The following ANK2 variants were observed in gnomAD, a reference collection of about 807,000 sequenced individuals.
ANK2 encodes the protein ankyrin 2.
ANK2 carries 83 observed loss-of-function variants against 360.5 expected under a neutral mutation model. The observed-to-expected ratio is 0.23, with a 90% CI of 0.19 to 0.28. ANK2 has a LOEUF of 0.28. Among genes scored for constraint, ANK2 ranks in the 10% least tolerant of loss-of-function variants. ANK2 has a pLI of 1.00. For missense variants in ANK2, 4,201 were observed against 4,795.7 expected (o/e 0.88, Z 3.66); for synonymous variants, 1,740 against 1,759.5 (o/e 0.99, Z 0.28).
intron 43 of ANK2, 70 bp from the exon 44 acceptor site, chr4:113,373,020 A>G: frequency 8.1e-7 from 1 of 1,239,644 alleles, no homozygotes; most frequent in South Asian, 1.2e-5. Context: ...CTCACATTAT[A>G]AGCACTTGGG....
intron 43 of ANK2, chr4:113,372,585 T>C (rs2096777810): frequency 1.3e-6 from 2 of 1,535,880 alleles, no homozygotes; most frequent in African/African-American, 2.7e-5. Flanking sequence ...GAGGAGGCGA[T>C]GGTAACTACC....
chr4:112,780,739 G>T, the ANK2 span, among the ~76,000 whole-genome samples: 1 of 152,078 alleles, frequency 6.6e-6, no homozygotes, highest in African/African-American at 2.4e-5. Flanking sequence ...AGGAGGAACT[G>T]TTAGACATGC....
intron 2 of ANK2, among the ~76,000 whole-genome samples, chr4:113,020,943 G>C (rs139293277): frequency 5.3e-4 from 79 of 149,464 alleles, no homozygotes; most frequent in African/African-American, 1.8e-3. Flanking sequence ...ATTGCTTTGT[G>C]TTCAGGAAAC....
chr4:113,193,255 T>C (rs1292680508), intron 2 of ANK2, among the ~76,000 whole-genome samples: 1 of 152,220 alleles, frequency 6.6e-6, no homozygotes, highest in Non-Finnish European at 1.5e-5. Flanking sequence ...AAAACAGATA[T>C]ACTCTTGGAT....
At position 113,350,482 on chromosome 4, in the gene ANK2, ACTTT is replaced by A. The variant is rs1319786722; in HGVS notation, c.4426+238_4426+241del. On this transcript the variant is annotated intron_variant, in intron 37 of 45. Transcript: ENST00000357077. ...GCAATGATTATTCATCTAAGCATTC[ACTTT>A]CTTTTGACATTCTTGTTAACCCTGG... 12 of 434,202 alleles carry A rather than the reference ACTTT, an allele frequency of 2.8e-5. No individual in the cohort carries two copies. The South Asian group carries it at 3.8e-4, about 14-fold the overall frequency. The allele number at this position is 434,202 out of a possible 1,614,324, so 26.9% of individuals were successfully genotyped here. A position where few individuals can be genotyped will look rare whatever the true frequency, so the allele number is the denominator to read the frequency against.
chr4:112,992,787 T>G (rs2047257111), intron 2 of ANK2, among the ~76,000 whole-genome samples: 1 of 152,170 alleles, frequency 6.6e-6, no homozygotes. Context: ...CATCACATTG[T>G]GCATTAGGGG....
At chr4:113,086,171 C>G (rs1031925354) in intron 1 of ANK2, among the ~76,000 whole-genome samples, 1 of 152,116 alleles carries the variant, frequency 6.6e-6, no homozygotes, top group Non-Finnish European at 1.5e-5. Flanking sequence ...CATTTAGGAA[C>G]CACTGCATCC....
intron 29 of ANK2, 79 bp downstream of exon 29, chr4:113,333,287 G>GGTGTGTGT (rs1447963400): frequency 2.7e-6 from 4 of 1,489,018 alleles, no homozygotes; most frequent in Admixed American, 1.7e-5. Context: ...ATGACCTAGG[G>GGTGTGTGT]GTGTGTGTAT....
intron 2 of ANK2, among the ~76,000 whole-genome samples, chr4:112,957,775 G>A (rs1369590112): frequency 5.5e-5 from 8 of 146,110 alleles, no homozygotes; most frequent in African/African-American, 5.1e-5. Flanking sequence ...GCTGCCGGGC[G>A]GAGGGGCTCC....
At chr4:112,756,180 G>A in the ANK2 span, among the ~76,000 whole-genome samples, 1 of 151,104 alleles carries the variant, frequency 6.6e-6, no homozygotes. Context: ...GGAGTTTGCA[G>A]TGAGCCGAGA....
chr4:113,191,958 C>A (rs2098672198), intron 2 of ANK2, among the ~76,000 whole-genome samples: 2 of 152,178 alleles, frequency 1.3e-5, no homozygotes, highest in African/African-American at 2.4e-5. Flanking sequence ...ATGAAGAATT[C>A]TGCTTCATCC....
At chr4:112,812,923 G>T in the ANK2 span, among the ~76,000 whole-genome samples, 81 of 152,172 alleles carry the variant, frequency 5.3e-4, no homozygotes, top group African/African-American at 1.9e-3. Flanking sequence ...TCTTTTTAGT[G>T]AGGAATGGTA....
chr4:112,973,996 T>C (rs780938406), intron 2 of ANK2, among the ~76,000 whole-genome samples: 1 of 152,244 alleles, frequency 6.6e-6, no homozygotes, highest in African/African-American at 2.4e-5. Flanking sequence ...ACTGACCTTG[T>C]CACTTGATTC....
chr4:112,798,801 A>G, the ANK2 span: 1 of 152,206 alleles, frequency 6.6e-6, no homozygotes, highest in Admixed American at 6.6e-5. Flanking sequence ...TGGCTTGTCC[A>G]TGGTAGGTCT....
At chr4:113,054,780 A>G (rs543312026) in intron 1 of ANK2, among the ~76,000 whole-genome samples, 3 of 152,144 alleles carry the variant, frequency 2.0e-5, no homozygotes. Flanking sequence ...GGATGATGGA[A>G]ATTTTTATTG....
At chr4:112,997,927 T>C (rs1166909495) in intron 2 of ANK2, among the ~76,000 whole-genome samples, 1 of 151,542 alleles carries the variant, frequency 6.6e-6, no homozygotes, top group African/African-American at 2.4e-5. Context: ...TTTCTAATTT[T>C]AGAGTCTGTT....
chr4:113,015,163 T>C (rs1232765700), intron 2 of ANK2, among the ~76,000 whole-genome samples: 2 of 152,154 alleles, frequency 1.3e-5, no homozygotes, highest in Non-Finnish European at 2.9e-5. Context: ...CGGCCAGAGC[T>C]TTTTATCTAT....
At chr4:112,905,829 T>G (rs2150940551) in intron 2 of ANK2, among the ~76,000 whole-genome samples, 2 of 151,976 alleles carry the variant, frequency 1.3e-5, no homozygotes, top group South Asian at 4.2e-4. Flanking sequence ...GCCCGACTAA[T>G]TTTTGATTTT....
At chr4:113,379,348 A>T (rs909700699) in intron 45 of ANK2, among the ~76,000 whole-genome samples, 1 of 152,092 alleles carries the variant, frequency 6.6e-6, no homozygotes, top group Non-Finnish European at 1.5e-5. Context: ...AATATAGACA[A>T]CTCCATAGAG....
Sources: allele counts gnomAD v4.1 joint callset (sites outside exome capture counted in the v4.1 genomes callset), GRCh38; gene constraint gnomAD v4.1.1; transcripts MANE v1.5; gene names NCBI Gene and HGNC (gene_info 2026-07-23, HGNC 2026-07-21).